The following SLC4A4 variants were observed in gnomAD, a reference collection of about 807,000 sequenced individuals.
SLC4A4 encodes solute carrier family 4 member 4.
In SLC4A4, 27 loss-of-function variants were observed where a neutral mutation model predicts 111.5. The observed-to-expected ratio is 0.24, with a 90% CI of 0.18 to 0.33. SLC4A4 has a LOEUF of 0.33. Among genes scored for constraint, SLC4A4 ranks in the 10% least tolerant of loss-of-function variants. The probability of loss-of-function intolerance (pLI) is 1.00; values close to 1 mark genes in which losing one functional copy is unlikely to be tolerated. For missense variants in SLC4A4, 909 were observed against 1,315.5 expected (o/e 0.69, Z 4.78); for synonymous variants, 443 against 463.4 (o/e 0.96, Z 0.57).
chr4:71,486,477 A>G (rs964440522), intron 14 of SLC4A4, among the ~76,000 whole-genome samples: 2 of 151,404 alleles, frequency 1.3e-5, no homozygotes, highest in Non-Finnish European at 3.0e-5. Context: ...ACATTTTGCA[A>G]AGATAACCTT....
At chr4:71,413,516 C>A (rs1387445695) in intron 7 of SLC4A4, among the ~76,000 whole-genome samples, 1 of 152,150 alleles carries the variant, frequency 6.6e-6, no homozygotes, top group African/African-American at 2.4e-5. Flanking sequence ...GTTTTACAGT[C>A]TGATTTTTGT....
upstream of SLC4A4, among the ~76,000 whole-genome samples, chr4:71,182,870 G>T (rs1187557701): frequency 6.6e-6 from 1 of 152,124 alleles, no homozygotes; most frequent in Non-Finnish European, 1.5e-5. Flanking sequence ...GGTTTTAGTG[G>T]CTTAGTAGCT....
intron 3 of SLC4A4, among the ~76,000 whole-genome samples, chr4:71,289,523 G>C (rs1724169592): frequency 6.6e-6 from 1 of 152,178 alleles, no homozygotes; most frequent in Non-Finnish European, 1.5e-5. Flanking sequence ...CTAGCAGAGA[G>C]AGAACGTGTA....
intron 12 of SLC4A4, among the ~76,000 whole-genome samples, chr4:71,462,601 G>A (rs544021746): frequency 3.0e-4 from 45 of 152,014 alleles, no homozygotes; most frequent in African/African-American, 1.1e-3. Flanking sequence ...TAGAGACAGA[G>A]TTTCTCCATG....
chr4:71,496,775 A>C (rs1730448921), intron 15 of SLC4A4, among the ~76,000 whole-genome samples: 1 of 152,050 alleles, frequency 6.6e-6, no homozygotes, highest in South Asian at 2.1e-4. Context: ...CATACATGAA[A>C]ACTGACCATA....
chr4:71,215,146 G>A (rs1718347707), intron 1 of SLC4A4, among the ~76,000 whole-genome samples: 1 of 152,078 alleles, frequency 6.6e-6, no homozygotes, highest in Non-Finnish European at 1.5e-5. Flanking sequence ...CACAAATGTT[G>A]GATCACAAAT....
intron 2 of SLC4A4, among the ~76,000 whole-genome samples, chr4:71,137,550 G>A (rs1000963): frequency 0.011 from 1,717 of 152,214 alleles, 32 homozygotes; most frequent in African/African-American, 0.039. Context: ...GAACTGTCTC[G>A]TTACTTGAAC....
Position 71,544,657 on chromosome 4 carries a change from G to A in SLC4A4, c.2443-1693G>A, listed in dbSNP as rs147047777. Among the ~76,000 whole-genome samples the A allele has an allele frequency of 3.5e-4, 53 of 151,948 alleles. No homozygotes were observed. The East Asian group carries it at 7.2e-3, about 21-fold the overall frequency. ...TAGTCTTACTATCTTTTCCCTATTC[G>A]CCTAACACAGCAGCCAGTGTGTTTA... On this transcript the variant is annotated intron_variant, in intron 18 of 25. Transcript: ENST00000264485.
intron 1 of SLC4A4, among the ~76,000 whole-genome samples, chr4:71,070,148 G>T (rs1279567023): frequency 6.6e-6 from 1 of 152,196 alleles, no homozygotes; most frequent in Non-Finnish European, 1.5e-5. Context: ...TTTGTTGACT[G>T]ACTGAATGAA....
intron 2 of SLC4A4, among the ~76,000 whole-genome samples, chr4:71,246,349 C>T (rs1720654083): frequency 6.6e-6 from 1 of 152,150 alleles, no homozygotes; most frequent in African/African-American, 2.4e-5. Context: ...AGGCTGTGCT[C>T]ATCCCAAAAG....
chr4:71,137,739 AG>A (rs1743883386), intron 2 of SLC4A4, among the ~76,000 whole-genome samples: 1 of 152,234 alleles, frequency 6.6e-6, no homozygotes, highest in Non-Finnish European at 1.5e-5. Context: ...TCACAGAAAA[AG>A]AAGTGGAGCT....
intron 7 of SLC4A4, chr4:71,437,822 G>A (rs1474833395): frequency 8.1e-6 from 2 of 247,482 alleles, no homozygotes; most frequent in African/African-American, 2.3e-5. Flanking sequence ...AGTGGGATGT[G>A]TGTGGCCTCG....
intron 3 of SLC4A4, among the ~76,000 whole-genome samples, chr4:71,273,747 A>G (rs952084283): frequency 2.0e-5 from 3 of 152,012 alleles, no homozygotes; most frequent in African/African-American, 7.3e-5. Context: ...GTAGTTGAGA[A>G]GTAGCTCTGA....
At chr4:71,543,329 G>T (rs888588816) in intron 18 of SLC4A4, among the ~76,000 whole-genome samples, 4 of 152,010 alleles carry the variant, frequency 2.6e-5, no homozygotes, top group African/African-American at 9.7e-5. Context: ...GACCAGGTAG[G>T]GCCTTCAGGT....
Position 71,311,138 on chromosome 4 carries a change from A to T in SLC4A4, c.254-28232A>T, listed in dbSNP as rs191791123. Among the ~76,000 whole-genome samples the T allele has an allele frequency of 2.7e-3, 412 of 152,364 alleles. 1 individual carries two copies. Among genetic ancestry groups the T allele is most frequent in the African/African-American group, 9.6e-3 (400 of 41,590 alleles). On this transcript the variant is annotated intron_variant, in intron 3 of 25. Transcript: ENST00000264485. ...GTAAAGGGATCAATGCAACAAGAAG[A>T]GCTAACTATCCTAAATATATATGCA...
At chr4:71,067,868 C>T (rs1741564154) in intron 1 of SLC4A4, among the ~76,000 whole-genome samples, 1 of 151,862 alleles carries the variant, frequency 6.6e-6, no homozygotes, top group African/African-American at 2.4e-5. Context: ...CCACTTCAGC[C>T]TCCTGAGTAG....
intron 15 of SLC4A4, among the ~76,000 whole-genome samples, chr4:71,493,401 T>G (rs1730110002): frequency 6.6e-6 from 1 of 152,026 alleles, no homozygotes; most frequent in Admixed American, 6.6e-5. Flanking sequence ...GGTAGATATC[T>G]TCCTTGAATA....
chr4:71,436,452 A>G (rs545564411), intron 7 of SLC4A4, among the ~76,000 whole-genome samples: 2 of 152,300 alleles, frequency 1.3e-5, no homozygotes, highest in African/African-American at 4.8e-5. Flanking sequence ...AGAAATGCCT[A>G]ATGTAGATGA....
At chr4:71,306,151 T>G (rs925096827) in intron 3 of SLC4A4, among the ~76,000 whole-genome samples, 8 of 152,188 alleles carry the variant, frequency 5.3e-5, no homozygotes, top group African/African-American at 1.9e-4. Context: ...ATTCTCTTAG[T>G]GACAGTACAC....
Sources: gnomAD v4.1 joint callset for allele counts (sites outside exome capture counted in the v4.1 genomes callset) on GRCh38, gnomAD v4.1.1 for gene constraint, MANE v1.5 for transcripts, NCBI Gene and HGNC (gene_info 2026-07-23, HGNC 2026-07-21) for gene names.